The following MEI4 variants were observed in gnomAD, a reference collection of about 807,000 sequenced individuals.
MEI4 encodes meiosis-specific protein MEI4.
In MEI4, 27 loss-of-function variants were observed where a neutral mutation model predicts 31.4. The observed-to-expected ratio is 0.86, with a 90% confidence interval of 0.63 to 1.19. The LOEUF is 1.19. Ranked by LOEUF, MEI4 falls within the 50% of genes most tolerant of loss-of-function variation. MEI4 has a pLI of 0.00. For synonymous variants in MEI4, 122 were observed against 145.4 expected (o/e 0.84, Z 1.16); for missense variants, 329 against 398.9 (o/e 0.82, Z 1.49).
chr6:77,909,169 C>A (rs1766371774), intron 4 of MEI4, among the ~76,000 whole-genome samples: 1 of 152,056 alleles, frequency 6.6e-6, no homozygotes, highest in Non-Finnish European at 1.5e-5. Context: ...GACCACAGTG[C>A]AATCAAACTA....
intron 2 of MEI4, among the ~76,000 whole-genome samples, chr6:77,752,157 A>G (rs981972499): frequency 3.9e-5 from 6 of 152,206 alleles, no homozygotes; most frequent in African/African-American, 1.4e-4. Context: ...CCCACAGCCA[A>G]TATCATACTG....
chr6:77,716,510 C>A (rs1766585123), intron 2 of MEI4, among the ~76,000 whole-genome samples: 1 of 152,084 alleles, frequency 6.6e-6, no homozygotes, highest in Non-Finnish European at 1.5e-5. Context: ...ACCCACTGGG[C>A]TCCATCATGA....
At chr6:77,651,687 T>A (rs1562192175), upstream of MEI4, among the ~76,000 whole-genome samples, 1 of 152,184 alleles carries the variant, frequency 6.6e-6, no homozygotes, top group South Asian at 2.1e-4. Flanking sequence ...GAGGACTTAG[T>A]CCTTCAGAAG....
chr6:77,691,646 C>T lies in MEI4; in HGVS notation c.232+743C>T, dbSNP rs560183711. On this transcript the variant is annotated intron_variant, in intron 2 of 4. Transcript: ENST00000684080. Reference sequence around the variant, plus strand: ...ACAAGGTACAGAGGGAAGTTGGGACCGGATTCAGAAGGGTCTTGAATGTCA... The same window carrying T: ...ACAAGGTACAGAGGGAAGTTGGGACTGGATTCAGAAGGGTCTTGAATGTCA... 4.6e-5 allele frequency among the ~76,000 whole-genome samples: 7 copies of T among 152,092 alleles called. 1 individual carries two copies. The East Asian group carries it at 9.7e-4, about 21-fold the overall frequency.
intron 2 of MEI4, among the ~76,000 whole-genome samples, chr6:77,702,346 C>T (rs1042647582): frequency 2.6e-5 from 4 of 152,054 alleles, no homozygotes; most frequent in African/African-American, 7.2e-5. Context: ...AAATTCAATG[C>T]GTAAGCATTT....
At chr6:77,846,956 C>G (rs1308119382) in intron 4 of MEI4, among the ~76,000 whole-genome samples, 3 of 152,148 alleles carry the variant, frequency 2.0e-5, no homozygotes, top group African/African-American at 7.2e-5. Context: ...CAGTCAGCCT[C>G]TCACTTAGAG....
chr6:77,699,487 C>T (rs1320450614), intron 2 of MEI4, among the ~76,000 whole-genome samples: 4 of 152,104 alleles, frequency 2.6e-5, no homozygotes, highest in Admixed American at 6.5e-5. Flanking sequence ...CCACCGCGCC[C>T]GGCCCAAAGT....
intron 1 of MEI4, among the ~76,000 whole-genome samples, chr6:77,690,004 CTG>C (rs1421674197): frequency 6.6e-6 from 1 of 151,938 alleles, no homozygotes; most frequent in African/African-American, 2.4e-5. Flanking sequence ...CTGTGACACA[CTG>C]TTGGTTTGGA....
intron 4 of MEI4, among the ~76,000 whole-genome samples, chr6:77,905,448 C>A (rs895465818): frequency 8.6e-6 from 1 of 116,874 alleles, no homozygotes; most frequent in African/African-American, 2.9e-5. Context: ...AAATTTATAT[C>A]TTTCTATAGA....
chr6:77,911,035 T>A (rs979739750), intron 4 of MEI4, among the ~76,000 whole-genome samples: 1 of 151,984 alleles, frequency 6.6e-6, no homozygotes, highest in Non-Finnish European at 1.5e-5. Flanking sequence ...GAGCATTTTT[T>A]TGTATAACTG....
intron 4 of MEI4, among the ~76,000 whole-genome samples, chr6:77,909,998 A>G (rs1052013239): frequency 6.6e-6 from 1 of 152,132 alleles, no homozygotes; most frequent in African/African-American, 2.4e-5. Flanking sequence ...GCCTTTGACA[A>G]AATTCAACAA....
chr6:77,822,427 G>A (rs902110643), intron 3 of MEI4, among the ~76,000 whole-genome samples: 10 of 152,018 alleles, frequency 6.6e-5, no homozygotes, highest in African/African-American at 1.9e-4. Flanking sequence ...CCAGTTTTGT[G>A]TCTAACGTAA....
chr6:77,887,062 A>G (rs916123123), intron 4 of MEI4, among the ~76,000 whole-genome samples: 12 of 150,928 alleles, frequency 8.0e-5, no homozygotes, highest in Non-Finnish European at 1.5e-4. Flanking sequence ...TTTATTTGAA[A>G]TTTTTCTACT....
intron 1 of MEI4, among the ~76,000 whole-genome samples, chr6:77,662,510 G>C (rs113854660): frequency 6.6e-6 from 1 of 152,182 alleles, no homozygotes; most frequent in African/African-American, 2.4e-5. Context: ...GAGCCGGGGA[G>C]CAGAAAGTGT....
chr6:77,886,731 C>T (rs934837198), intron 4 of MEI4, among the ~76,000 whole-genome samples: 1 of 152,116 alleles, frequency 6.6e-6, no homozygotes, highest in African/African-American at 2.4e-5. Flanking sequence ...CTGCACCTGG[C>T]CCTGTTAGAG....
At chr6:77,704,697 T>C (rs572382602) in intron 2 of MEI4, among the ~76,000 whole-genome samples, 250 of 152,312 alleles carry the variant, frequency 1.6e-3, no homozygotes, top group Non-Finnish European at 2.4e-3. Flanking sequence ...ATCACTGGTT[T>C]AAACAAAAGT....
At position 77,682,704 on chromosome 6, in the gene MEI4, G is replaced by C. The variant is rs554826650; in HGVS notation, c.-14-7954G>C. Among the ~76,000 whole-genome samples, 3 of 152,248 alleles carry C rather than the reference G, an allele frequency of 2.0e-5. No homozygotes were observed. In the East Asian group the frequency reaches 5.8e-4, roughly 29 times the overall value. On this transcript the variant is annotated intron_variant, in intron 1 of 4. Transcript: ENST00000684080. ...TCATTCATTTACTCACTACTATTTA[G>C]TTGTGTGCCTACTGTGAGCCAGTAT...
At chr6:77,838,200 T>A (rs1401522655) in intron 4 of MEI4, among the ~76,000 whole-genome samples, 12 of 152,220 alleles carry the variant, frequency 7.9e-5, no homozygotes, top group African/African-American at 2.7e-4. Flanking sequence ...ACAATGGATG[T>A]TTTTTAAACC....
chr6:77,656,319 TG>T (rs1768394341), intron 1 of MEI4, among the ~76,000 whole-genome samples: 1 of 152,144 alleles, frequency 6.6e-6, no homozygotes, highest in Admixed American at 6.5e-5. Flanking sequence ...CCTATTTTCA[TG>T]AATGTCTGTC....
Sources: gnomAD v4.1 joint callset for allele counts (sites outside exome capture counted in the v4.1 genomes callset) on GRCh38, gnomAD v4.1.1 for gene constraint, MANE v1.5 for transcripts, NCBI Gene and HGNC (gene_info 2026-07-23, HGNC 2026-07-21) for gene names.